The following DMKN variants were observed in gnomAD, a reference collection of about 807,000 sequenced individuals.
The protein encoded by DMKN is epidermis-specific secreted protein SK30/SK89.
Under a neutral mutation model 67.6 loss-of-function variants are expected in DMKN, and 58 were observed. The observed-to-expected ratio is 0.86, with a 90% CI of 0.69 to 1.07. DMKN has a LOEUF of 1.07. Ranked by LOEUF, DMKN falls within the 50% of genes least tolerant of loss-of-function variation. DMKN has a pLI of 0.00. For missense variants in DMKN, 596 were observed against 601.5 expected (o/e 0.99, Z 0.10); for synonymous variants, 240 against 232.3 (o/e 1.03, Z -0.30).
At chr19:35,507,245 G>T in intron 7 of DMKN, 1 of 485,698 alleles carries the variant, frequency 2.1e-6, no homozygotes. Flanking sequence ...AAAGTAACAT[G>T]GCTCCGATCC....
chr19:35,502,889 G>A lies in DMKN; in HGVS notation c.1135-3C>T, dbSNP rs1295633994. ...GTGCTGGGGGGCGGGACCTGGTTCT[G>A]TGGATGAAAGGCGGGGAGCAGGTTA... On this transcript the variant is annotated splice_polypyrimidine_tract_variant and splice_region_variant and intron_variant, in intron 9 of 15. Transcript: ENST00000339686. The A allele has an allele frequency of 1.9e-6, 3 of 1,613,830 alleles. No individual in the cohort carries two copies. In the East Asian group the frequency reaches 6.7e-5, roughly 36 times the overall value.
At chr19:35,502,733 C>A in intron 10 of DMKN, 97 bp downstream of exon 10, 2 of 1,256,730 alleles carry the variant, frequency 1.6e-6, no homozygotes, top group East Asian at 2.3e-5. Context: ...AGTTTTGAAA[C>A]AGGTGGTTGG....
chr19:35,513,042 C>T lies in DMKN; in HGVS notation c.426+8G>A, dbSNP rs1339703638. The T allele has an allele frequency of 4.3e-6, 7 of 1,612,476 alleles. No individual in the cohort carries two copies. In the East Asian group the frequency reaches 1.6e-4, roughly 36 times the overall value. ...CCCATTTCCACATGCAGCCCCACAG[C>T]CACTCACCCAAGCACCATTGTGGCC... On this transcript the variant is annotated splice_region_variant and intron_variant, in intron 1 of 15. Transcript: ENST00000339686.
At chr19:35,506,055 T>C in intron 7 of DMKN, 69 bp from the exon 8 acceptor site, 1 of 1,612,598 alleles carries the variant, frequency 6.2e-7, no homozygotes, top group Non-Finnish European at 8.5e-7. Context: ...GAGATCTGAG[T>C]GGCAGGAGGG....
intron 15 of DMKN, 61 bp downstream of exon 15, chr19:35,498,655 C>G: frequency 3.1e-6 from 5 of 1,608,838 alleles, no homozygotes; most frequent in Non-Finnish European, 4.2e-6. Flanking sequence ...CTGGCCCTGC[C>G]CCGGGTGACT....
rs1376003109 is a variant in DMKN, at chr19:35,505,756, A to G, written c.1096T>C (p.Ser366Pro). ...NFDTFWKNFK[S>P]KLGFINWDAI... ...TCCCAGTTGATGAAACCCAGCTTGG[A>G]TTTAAAATTCTATGGAGGAAACAAA... Residue 366 changes from serine to proline, a missense_variant, in exon 9 of 16, where the codon TCC becomes CCC. Coordinates refer to ENST00000339686, the MANE Select transcript of DMKN (RefSeq NM_033317.5). The G allele has an allele frequency of 6.2e-7, 1 of 1,613,964 alleles. No individual in the cohort carries two copies. The highest frequency in any genetic ancestry group is 1.3e-5 in the African/African-American group (1 of 74,892).
intron 12 of DMKN, 159 bp from the exon 13 acceptor site, chr19:35,500,188 C>A (rs2068113233): frequency 8.6e-7 from 1 of 1,161,218 alleles, no homozygotes; most frequent in African/African-American, 1.5e-5. Context: ...TCTCCTCCAG[C>A]CAGCCAGGGC....
Position 35,500,098 on chromosome 19 carries a change from C to G in DMKN, c.1288-69G>C. ...GCCATTTTGCTCTGGAATAAACATC[C>G]CACCTTCCTGCCTGGACCAGACCTT... On this transcript the variant is annotated intron_variant, in intron 12 of 15. Coordinates refer to ENST00000339686, the MANE Select transcript of DMKN (RefSeq NM_033317.5). 4.5e-6 allele frequency: 7 copies of G among 1,549,442 alleles called. No homozygotes were observed. In the South Asian group the frequency reaches 6.7e-5, roughly 15 times the overall value.
chr19:35,510,465 C>G (rs148474481), intron 5 of DMKN: 2 of 1,551,968 alleles, frequency 1.3e-6, no homozygotes, highest in African/African-American at 2.7e-5. Flanking sequence ...TTCGGAACTA[C>G]GCAATGATTT....
intron 9 of DMKN, among the ~76,000 whole-genome samples, 186 bp downstream of exon 9, chr19:35,505,532 A>G (rs2069293427): frequency 6.6e-6 from 1 of 152,154 alleles, no homozygotes; most frequent in Non-Finnish European, 1.5e-5. Context: ...CAGCTGCTCC[A>G]GATTCTCCCC....
intron 7 of DMKN, chr19:35,506,571 G>T (rs1428805733): frequency 6.3e-6 from 3 of 474,972 alleles, no homozygotes; most frequent in East Asian, 1.3e-4. Flanking sequence ...TGGTGACATG[G>T]AAAGCTGTAC....
At position 35,502,864 on chromosome 19, in the gene DMKN, G is replaced by T; in HGVS notation, c.1157C>A (p.Thr386Asn). The T allele has an allele frequency of 1.9e-6, 3 of 1,614,084 alleles. No homozygotes were observed. Among genetic ancestry groups the T allele is most frequent in the Non-Finnish European group, 2.5e-6 (3 of 1,179,998 alleles). Residue 386 changes from threonine (T) to asparagine (N), a missense_variant, in exon 10 of 16, where the codon ACC becomes AAC. Thr to Asn is a moderately conservative substitution (Grantham distance 65, BLOSUM62 0). Coordinates refer to ENST00000339686, the MANE Select transcript of DMKN (RefSeq NM_033317.5). ...TCGGCTGAAGTAGAGGAGGGCTCGG[G>T]TGCTGGGGGGCGGGACCTGGTTCTG... is the stretch of plus-strand genomic sequence containing the variant. ...INKNQVPPPS[T>N]RALLYFSRLW...
chr19:35,511,708 G>GA, intron 4 of DMKN, 55 bp downstream of exon 4: 2 of 1,598,158 alleles, frequency 1.3e-6, no homozygotes, highest in South Asian at 2.3e-5. Flanking sequence ...AAGGGGAGCA[G>GA]AACTTCTCCA....
intron 13 of DMKN, 127 bp from the exon 14 acceptor site, chr19:35,499,024 A>T (rs2067921219): frequency 7.3e-7 from 1 of 1,365,316 alleles, no homozygotes; most frequent in East Asian, 2.4e-5. Flanking sequence ...AAGGTTTTCC[A>T]GTCTGACTGT....
At chr19:35,507,964 G>A (rs2069909945) in intron 7 of DMKN, 1 of 515,940 alleles carries the variant, frequency 1.9e-6, no homozygotes, top group Non-Finnish European at 3.4e-6. Context: ...AGTGGGGGCT[G>A]AGGCGGCATA....
At position 35,512,460 on chromosome 19, in the gene DMKN, A is replaced by G. The variant is rs1468288506; in HGVS notation, c.645T>C (p.Pro215=). The change falls in exon 3 of 16, where the codon CCT becomes CCC. Residue 215 remains proline, a synonymous_variant. Coordinates refer to ENST00000339686, the MANE Select transcript of DMKN (RefSeq NM_033317.5). ...GTNTQGAVAQ[P]GYGSVRASNQ... The stretch of plus-strand genomic sequence containing the variant: ...TGCTGGCTCTCACTGAACCATAGCC[A>G]GGCTGGGCCACAGCTCCCTGCAGAG... The G allele has an allele frequency of 6.2e-7, 1 of 1,614,172 alleles. No homozygotes were observed.
In DMKN at chr19:35,508,039, TG is replaced by T. The variant is rs941339037; in HGVS notation, c.1038+1871del. The T allele has an allele frequency of 4.4e-5, 37 of 843,934 alleles. No homozygotes were observed. In the African/African-American group the frequency reaches 6.3e-4, roughly 14 times the overall value. 52.3% of individuals were successfully genotyped at this position (843,934 alleles called of 1,614,324 possible). ...TCCTCTGGAGTCCTGCTTTATCTGCTGTGAAACATGGCCAGACCCATCAGTA... is the reference window on the plus strand; with the variant it reads ...TCCTCTGGAGTCCTGCTTTATCTGCTTGAAACATGGCCAGACCCATCAGTA... On this transcript the variant is annotated intron_variant, in intron 7 of 15. Transcript: ENST00000339686.
intron 11 of DMKN, chr19:35,501,839 T>G: frequency 7.0e-6 from 11 of 1,577,448 alleles, no homozygotes; most frequent in Non-Finnish European, 9.5e-6. Context: ...GTGGCTCCCC[T>G]GGGTCCAGGC....
chr19:35,501,894 T>C, intron 11 of DMKN: 2 of 1,579,380 alleles, frequency 1.3e-6, no homozygotes, highest in Non-Finnish European at 1.7e-6. Context: ...GTGGCCGGCT[T>C]CATGTTCATG....
Sources: gnomAD v4.1 joint callset for allele counts (sites outside exome capture counted in the v4.1 genomes callset) on GRCh38, gnomAD v4.1.1 for gene constraint, MANE v1.5 for transcripts, NCBI Gene and HGNC (gene_info 2026-07-23, HGNC 2026-07-21) for gene names.